Variants in RRM2 observed in about 807,000 individuals in gnomAD.
The protein encoded by RRM2 is ribonucleotide reductase regulatory subunit M2.
In RRM2, 6 loss-of-function variants were observed where a neutral mutation model predicts 45.9. The observed-to-expected ratio is 0.13, with a 90% CI of 0.07 to 0.26. RRM2 has a LOEUF of 0.26. Among genes scored for constraint, RRM2 ranks in the 10% least tolerant of loss-of-function variants. The pLI is 1.00. For synonymous variants in RRM2, 177 were observed against 173.0 expected (o/e 1.02, Z -0.18); for missense variants, 343 against 489.5 (o/e 0.70, Z 2.82).
At position 10,179,725 on chromosome 2, in the gene RRM2, A is replaced by G. The variant is rs1664004607; in HGVS notation, n.483-30586A>G. Reference sequence around the variant, plus strand: ...GCACTGTGAGGGAAGTACAGTTTCTATTGAATGTGTATCACTTTCACACCA... The same window carrying G: ...GCACTGTGAGGGAAGTACAGTTTCTGTTGAATGTGTATCACTTTCACACCA... On this transcript the variant is annotated intron_variant and non_coding_transcript_variant, in intron 3 of 3. Coordinates refer to the RRM2 transcript ENST00000381786. 2.6e-5 allele frequency among the ~76,000 whole-genome samples: 4 copies of G among 152,306 alleles called. No individual in the cohort carries two copies. The South Asian group carries it at 8.3e-4, about 32-fold the overall frequency.
At chr2:10,174,971 A>G (rs1173255160) in intron 3 of RRM2, among the ~76,000 whole-genome samples, 1 of 152,234 alleles carries the variant, frequency 6.6e-6, no homozygotes, top group Admixed American at 6.5e-5. Flanking sequence ...AAATAGAAAG[A>G]AGAGGAAAAG....
At chr2:10,197,272 G>A (rs777085107) in intron 3 of RRM2, among the ~76,000 whole-genome samples, 1 of 152,234 alleles carries the variant, frequency 6.6e-6, no homozygotes, top group East Asian at 1.9e-4. Flanking sequence ...TAACGCGAGC[G>A]CCTAGGCTGG....
At chr2:10,126,224 AAC>A (rs1662778246) in intron 5 of RRM2, among the ~76,000 whole-genome samples, 1 of 145,810 alleles carries the variant, frequency 6.9e-6, no homozygotes, top group Admixed American at 6.9e-5. Flanking sequence ...TTGGCTTCAG[AAC>A]ACAAAGTCAT....
chr2:10,190,515 A>G (rs2125328829), intron 3 of RRM2, among the ~76,000 whole-genome samples: 1 of 141,342 alleles, frequency 7.1e-6, no homozygotes, highest in East Asian at 2.2e-4. Context: ...TGTGATAATA[A>G]TGACGGTGGT....
At chr2:10,177,423 G>T (rs968297535) in intron 3 of RRM2, among the ~76,000 whole-genome samples, 11 of 152,142 alleles carry the variant, frequency 7.2e-5, no homozygotes, top group Non-Finnish European at 1.2e-4. Flanking sequence ...GAGTAACACA[G>T]AGAGATTCAG....
At position 10,155,407 on chromosome 2, in the gene RRM2, C is replaced by T. The variant is rs547384816; in HGVS notation, n.482+13032C>T. 5.3e-5 allele frequency among the ~76,000 whole-genome samples: 8 copies of T among 152,292 alleles called. No homozygotes were observed. In the South Asian group the frequency reaches 1.7e-3, roughly 32 times the overall value. Reference sequence around the variant, plus strand: ...AAGGTACCTTGCTCATTCATCCATCCAGCCGGTGAGCCAGGGGGCAGCCCG... The same window carrying T: ...AAGGTACCTTGCTCATTCATCCATCTAGCCGGTGAGCCAGGGGGCAGCCCG... On this transcript the variant is annotated intron_variant and non_coding_transcript_variant, in intron 3 of 3. Transcript: ENST00000381786.
Position 10,129,301 on chromosome 2 carries a change from T to C in RRM2, c.1085T>C (p.Phe362Ser). ...NISLEGKTNF[F>S]EKRVGEYQRM... ...TCACTGGAAGGAAAGACTAACTTCT[T>C]TGAGAAGAGAGTAGGCGAGTATCAG... Residue 362 changes from phenylalanine (F) to serine (S), a missense_variant, in exon 10 of 10, where the codon TTT (phenylalanine) becomes TCT (serine). Physicochemically the swap from Phe to Ser is radical, Grantham distance 155. This residue lies in a region of RRM2 where 212 missense variants were observed against 368.1 expected (regional missense o/e 0.58). Coordinates refer to ENST00000304567, the MANE Select transcript of RRM2 (RefSeq NM_001034.4). The surrounding 1 kb of genome is among the most constrained non-coding windows in gnomAD (Gnocchi z 4.8). The C allele has an allele frequency of 1.2e-6, 2 of 1,614,126 alleles. No homozygotes were observed. Among genetic ancestry groups the C allele is most frequent in the Non-Finnish European group, 1.7e-6 (2 of 1,179,976 alleles).
chr2:10,141,661 G>A (rs942236926), intron 1 of RRM2: 8 of 713,480 alleles, frequency 1.1e-5, no homozygotes, highest in East Asian at 2.8e-5. Flanking sequence ...GCTCTGGGAA[G>A]CGGGGAGGCA....
chr2:10,192,721 C>G (rs1664335353), intron 3 of RRM2: 1 of 150,818 alleles, frequency 6.6e-6, no homozygotes, highest in Non-Finnish European at 1.5e-5. Flanking sequence ...TGGGGTCAGT[C>G]CCACTGTGGA....
At chr2:10,210,093 ATGGTGCC>A (rs1225963281) in intron 3 of RRM2, among the ~76,000 whole-genome samples, 7 of 152,066 alleles carry the variant, frequency 4.6e-5, no homozygotes, top group Non-Finnish European at 7.4e-5. Context: ...CTTGTGACCC[ATGGTGCC>A]TGGCTTGCCT....
chr2:10,164,566 C>G (rs896388101), intron 3 of RRM2, among the ~76,000 whole-genome samples: 2 of 152,200 alleles, frequency 1.3e-5, no homozygotes, highest in Non-Finnish European at 2.9e-5. Flanking sequence ...AGGCTGGCAT[C>G]TGTTTGGATT....
Position 10,185,252 on chromosome 2 carries a change from C to T in RRM2, n.483-25059C>T, listed in dbSNP as rs1333710481. On this transcript the variant is annotated intron_variant and non_coding_transcript_variant, in intron 3 of 3. Coordinates refer to the RRM2 transcript ENST00000381786. This position sits in a 1 kb window ranked among gnomAD's most constrained non-coding sequence, Gnocchi z 4.3. The stretch of plus-strand genomic sequence containing the variant: ...TCCAGGACAAGAGACAGAGAGAGAG[C>T]GTGAAAGCGAGACAGAGCGTGAGAG... Among the ~76,000 whole-genome samples, 1 of 150,074 alleles carries T rather than the reference C, an allele frequency of 6.7e-6. No homozygotes were observed. The highest frequency in any genetic ancestry group is 1.5e-5 in the Non-Finnish European group (1 of 67,354).
chr2:10,141,159 G>A (rs1190458995), upstream of RRM2, among the ~76,000 whole-genome samples: 4 of 152,330 alleles, frequency 2.6e-5, no homozygotes, highest in East Asian at 3.9e-4. Context: ...AGTTGCTTCT[G>A]TCCAAAGAGG....
intron 3 of RRM2, among the ~76,000 whole-genome samples, chr2:10,166,235 C>G (rs17379350): frequency 0.15 from 22,448 of 152,252 alleles, 2,044 homozygotes; most frequent in Non-Finnish European, 0.2. Flanking sequence ...AATGACTCCT[C>G]TAAATTAACC....
chr2:10,190,733 G>GAT, intron 3 of RRM2, among the ~76,000 whole-genome samples: 1 of 5,902 alleles, frequency 1.7e-4, no homozygotes, highest in African/African-American at 3.7e-4. Context: ...TGATCTTGGC[G>GAT]GTGATGGTGG....
intron 3 of RRM2, among the ~76,000 whole-genome samples, chr2:10,174,279 C>A (rs533789699): frequency 6.7e-6 from 1 of 148,752 alleles, no homozygotes; most frequent in Non-Finnish European, 1.5e-5. Flanking sequence ...CTGTCTGCGG[C>A]CTGAGCTAAG....
intron 3 of RRM2, among the ~76,000 whole-genome samples, chr2:10,203,151 C>G (rs914262284): frequency 1.3e-5 from 2 of 152,178 alleles, no homozygotes; most frequent in Non-Finnish European, 2.9e-5. Flanking sequence ...ACATCTGGCT[C>G]GGAAAGCAGT....
At chr2:10,199,542 G>A (rs1202633409) in intron 3 of RRM2, among the ~76,000 whole-genome samples, 1 of 151,878 alleles carries the variant, frequency 6.6e-6, no homozygotes, top group Non-Finnish European at 1.5e-5. Flanking sequence ...AGCACTTTGG[G>A]AGGCCGAGGT....
At chr2:10,168,422 T>C (rs192627676) in intron 3 of RRM2, among the ~76,000 whole-genome samples, 46 of 152,282 alleles carry the variant, frequency 3.0e-4, no homozygotes, top group African/African-American at 1.1e-3. Flanking sequence ...GCAGTTTCGC[T>C]CTGGGCCTCC....
Sources: gnomAD v4.1 joint callset for allele counts (sites outside exome capture counted in the v4.1 genomes callset) on GRCh38, gnomAD v4.1.1 for gene constraint, gnomAD v4.1.1 regional missense constraint, Gnocchi (gnomAD v3.1) non-coding constraint, MANE v1.5 for transcripts, NCBI Gene and HGNC (gene_info 2026-07-23, HGNC 2026-07-21) for gene names.